The following SEC23A variants were observed in gnomAD, a reference collection of about 807,000 sequenced individuals.
SEC23A encodes SEC23 homolog A, COPII component, also known as protein transport protein Sec23A.
SEC23A carries 56 observed loss-of-function variants against 103.7 expected under a neutral mutation model. That is an observed-to-expected ratio of 0.54 (90% CI 0.44 to 0.67). The LOEUF (loss-of-function observed/expected upper bound fraction) is 0.67, where lower values mean the gene tolerates loss of function less well. Ranked by LOEUF, SEC23A falls within the 30% of genes least tolerant of loss-of-function variation. The probability of loss-of-function intolerance (pLI) is 0.00; values close to 1 mark genes in which losing one functional copy is unlikely to be tolerated. For synonymous variants in SEC23A, 281 were observed against 293.0 expected, an observed-to-expected ratio of 0.96 and a Z score of 0.42; for missense variants, 784 against 936.4, an observed-to-expected ratio of 0.84 and a Z score of 2.12.
intron 15 of SEC23A, among the ~76,000 whole-genome samples, chr14:39,048,253 TA>T: frequency 6.6e-6 from 1 of 152,106 alleles, no homozygotes; most frequent in South Asian, 2.1e-4. Context: ...ACAAAAAGAA[TA>T]ACCCAATAAA....
intron 1 of SEC23A, among the ~76,000 whole-genome samples, chr14:39,097,717 A>T (rs2139301785): frequency 6.6e-6 from 1 of 152,330 alleles, no homozygotes; most frequent in Non-Finnish European, 1.5e-5. Context: ...ATCTTACGCT[A>T]ATCAAAAAAG....
At chr14:39,066,452 A>T (rs562974728) in intron 10 of SEC23A, among the ~76,000 whole-genome samples, 7 of 152,030 alleles carry the variant, frequency 4.6e-5, no homozygotes, top group African/African-American at 1.7e-4. Flanking sequence ...ATTACTGATT[A>T]TCCGAAAGGT....
intron 9 of SEC23A, among the ~76,000 whole-genome samples, chr14:39,070,312 G>A (rs1012854256): frequency 1.3e-5 from 2 of 152,116 alleles, no homozygotes; most frequent in Admixed American, 6.6e-5. Flanking sequence ...TGATTTTTAA[G>A]CCTAATTAAA....
chr14:39,099,182 C>T (rs1390700819), intron 1 of SEC23A, among the ~76,000 whole-genome samples: 3 of 121,748 alleles, frequency 2.5e-5, no homozygotes, highest in Non-Finnish European at 4.9e-5. Context: ...TTTTTTGACA[C>T]GGAGTCTCAC....
In SEC23A at chr14:39,064,991, G is replaced by A. The variant is rs1886608955; in HGVS notation, c.1230C>T (p.Thr410=). ...CTCCTGAAATCTTTATTTCCCTTGAGGTCTGCAAAATAAGAATACAGCATG... is the reference window on the plus strand; with the variant it reads ...CTCCTGAAATCTTTATTTCCCTTGAAGTCTGCAAAATAAGAATACAGCATG... The part of the protein sequence containing the change: ...MGFGGTLEIK[T]SREIKISGAI... The change falls in exon 11 of 20, where the codon ACC becomes ACT. Residue 410 remains threonine, a splice_region_variant and synonymous_variant. Transcript: ENST00000307712. The A allele has an allele frequency of 6.2e-7, 1 of 1,607,536 alleles. No individual in the cohort carries two copies. Among genetic ancestry groups the A allele is most frequent in the Non-Finnish European group, 8.5e-7 (1 of 1,174,160 alleles).
intron 11 of SEC23A, 80 bp from the exon 12 acceptor site, chr14:39,063,493 A>G: frequency 1.1e-6 from 1 of 891,650 alleles, no homozygotes; most frequent in Non-Finnish European, 1.8e-6. Flanking sequence ...ATGGAAAAAG[A>G]CCACAGGAAA....
chr14:39,074,327 T>G, intron 9 of SEC23A, 88 bp downstream of exon 9: 2 of 871,634 alleles, frequency 2.3e-6, no homozygotes, highest in Non-Finnish European at 3.9e-6. Context: ...AAGATGACAC[T>G]TTTCCCTAAA....
At chr14:39,077,227 C>CAAAAAAAAAAAAAAAA (rs57549556) in intron 7 of SEC23A, among the ~76,000 whole-genome samples, 3 of 36,478 alleles carry the variant, frequency 8.2e-5, no homozygotes, top group African/African-American at 3.8e-4. Flanking sequence ...GACTCCATCT[C>CAAAAAAAAAAAAAAAA]AAAAAAAAAA....
chr14:39,055,197 T>G lies in SEC23A; in HGVS notation c.1605A>C (p.Glu535Asp). The change falls in exon 14 of 20, where the codon GAA (glutamate) becomes GAC (aspartate). Residue 535 changes from glutamate (E) to aspartate (D), a missense_variant. Glu to Asp is a conservative substitution (Grantham distance 45). This residue lies in a region of SEC23A where 683 missense variants were observed against 774.2 expected (regional missense o/e 0.88). Transcript: ENST00000307712. ...LMARLAIYRA[E>D]TEEGPDVLRW... ...TAAGCACATCTGGACCTTCTTCTGT[T>G]TCTGCTCTATATATTGCTAGCCGGG... 2 of 1,614,196 alleles carry G rather than the reference T, an allele frequency of 1.2e-6. No individual in the cohort carries two copies. The highest frequency in any genetic ancestry group is 1.7e-6 in the Non-Finnish European group (2 of 1,180,032).
chr14:39,053,111 G>A (rs938371293), intron 14 of SEC23A, among the ~76,000 whole-genome samples: 2 of 152,112 alleles, frequency 1.3e-5, no homozygotes, highest in African/African-American at 4.8e-5. Flanking sequence ...CTCCAGCCTG[G>A]GCAACAAGAG....
At chr14:39,082,992 TA>T (rs1887279452) in intron 7 of SEC23A, among the ~76,000 whole-genome samples, 2 of 152,220 alleles carry the variant, frequency 1.3e-5, no homozygotes, top group Admixed American at 1.3e-4. Context: ...GGACAACTGG[TA>T]AAACTTGAAT....
At chr14:39,101,057 T>G (rs556673145) in intron 1 of SEC23A, among the ~76,000 whole-genome samples, 2 of 152,006 alleles carry the variant, frequency 1.3e-5, no homozygotes, top group East Asian at 3.9e-4. Flanking sequence ...TTGGCCAGGC[T>G]GGTCTCGAAC....
Position 39,094,426 on chromosome 14 carries a change from ATATATATATATATATATTTTTTT to A in SEC23A, c.222-1205_222-1183del, listed in dbSNP as rs1566515128. Among the ~76,000 whole-genome samples the A allele has an allele frequency of 1.5e-3, 77 of 49,680 alleles. 12 individuals are homozygous for A. Among genetic ancestry groups the A allele is most frequent in the African/African-American group, 0.01 (68 of 6,480 alleles). The allele number at this position is 49,680 out of a possible 152,430, so 32.6% of individuals were successfully genotyped here. Reference sequence around the variant, plus strand: ...TATATATATATATATATATATATATATATATATATATATATATTTTTTTTTTTTTTTTTTCCCCTCCTGTAGAA... The same window carrying A: ...TATATATATATATATATATATATATATTTTTTTTTTTCCCCTCCTGTAGAA... On this transcript the variant is annotated intron_variant, in intron 2 of 19. Transcript: ENST00000307712.
intron 16 of SEC23A, 130 bp from the exon 17 acceptor site, chr14:39,043,002 G>A (rs191012099): frequency 1.6e-6 from 1 of 641,700 alleles, no homozygotes; most frequent in Non-Finnish European, 2.7e-6. Flanking sequence ...TTTGGAGAAG[G>A]GTCTTGCTCT....
Position 39,061,838 on chromosome 14 carries a change from C to G in SEC23A, c.1432G>C (p.Ala478Pro). 1 of 1,613,966 alleles carries G rather than the reference C, an allele frequency of 6.2e-7. No individual in the cohort carries two copies. ...NAPIPQGGRG[A>P]IQFVTQYQHS... ...TGATACTGAGTCACAAACTGGATTG[C>G]ACCACGCCCTCCTTGAGGAATTGGA... The change falls in exon 13 of 20, where the codon GCA becomes CCA. Residue 478 changes from alanine (A) to proline (P), a missense_variant. By Grantham distance (27) the Ala-to-Pro change is conservative (BLOSUM62 -1). Around this residue, in one of 2 missense-constraint regions of SEC23A, gnomAD observed 683 missense variants for 774.2 expected, o/e 0.88. Transcript: ENST00000307712.
chr14:39,042,903 A>C (rs1435991891), intron 16 of SEC23A, 31 bp from the exon 17 acceptor site: 2 of 1,391,426 alleles, frequency 1.4e-6, no homozygotes, highest in African/African-American at 2.9e-5. Context: ...AGAAATGAGG[A>C]AAAAGGAAAA....
intron 14 of SEC23A, 37 bp downstream of exon 14, chr14:39,055,106 C>CTGT: frequency 6.2e-7 from 1 of 1,611,808 alleles, no homozygotes; most frequent in East Asian, 2.2e-5. Context: ...CAAATGAAAG[C>CTGT]ATACAGATTT....
At chr14:39,052,174 A>G (rs1486738548) in intron 14 of SEC23A, among the ~76,000 whole-genome samples, 1 of 152,056 alleles carries the variant, frequency 6.6e-6, no homozygotes, top group Non-Finnish European at 1.5e-5. Context: ...GGGGAGGGAG[A>G]GCATTGGGAA....
At chr14:39,095,742 T>A (rs778113869) in intron 2 of SEC23A, among the ~76,000 whole-genome samples, 156 bp downstream of exon 2, 3 of 152,176 alleles carry the variant, frequency 2.0e-5, no homozygotes, top group Non-Finnish European at 4.4e-5. Flanking sequence ...ACTAGAATGA[T>A]CCTAAAATTT....
Sources: allele counts gnomAD v4.1 joint callset (sites outside exome capture counted in the v4.1 genomes callset), GRCh38; gene constraint gnomAD v4.1.1; regional missense constraint gnomAD v4.1.1; transcripts MANE v1.5; gene names NCBI Gene and HGNC (gene_info 2026-07-23, HGNC 2026-07-21).